The following INKA2 variants were observed in gnomAD, a reference collection of about 807,000 sequenced individuals.
INKA2 encodes the protein inka box actin regulator 2.
Under a neutral mutation model 9.8 loss-of-function variants are expected in INKA2, and 3 were observed. The ratio of observed to expected loss-of-function variants is 0.31; its 90% confidence interval spans 0.14 to 0.79. The LOEUF is 0.79. Ranked by LOEUF, INKA2 falls within the 30% of genes least tolerant of loss-of-function variation. The pLI, the probability that INKA2 is intolerant of heterozygous loss-of-function variation, is 0.62. For synonymous variants in INKA2, 147 were observed against 143.3 expected, an observed-to-expected ratio of 1.03 and a Z score of -0.18; for missense variants, 392 against 384.4, an observed-to-expected ratio of 1.02 and a Z score of -0.17.
intron 1 of INKA2, among the ~76,000 whole-genome samples, chr1:111,729,450 C>T (rs1032833665): frequency 1.3e-5 from 2 of 152,212 alleles, no homozygotes; most frequent in African/African-American, 2.4e-5. Context: ...GCCTGAGTCC[C>T]GGCTGCCAGC....
At chr1:111,741,161 T>C (rs895612585), upstream of INKA2, among the ~76,000 whole-genome samples, 1 of 151,312 alleles carries the variant, frequency 6.6e-6, no homozygotes, top group African/African-American at 2.4e-5. Flanking sequence ...GTTTGCAGAG[T>C]CCAGTTGAAT....
intron 1 of INKA2, among the ~76,000 whole-genome samples, chr1:111,732,488 T>G (rs891209788): frequency 6.6e-6 from 1 of 151,492 alleles, no homozygotes; most frequent in African/African-American, 2.4e-5. Flanking sequence ...CTGAGAGAAT[T>G]CACAAGAAGG....
rs910644394 is a variant in INKA2 at position 111,722,751 on chromosome 1, C to G, written c.*4217G>C. ...GTCTTCTCTGACCCTTGCTACAATC[C>G]TGTGAGATATTAAATCAATATAAAT... On this transcript the variant is annotated 3_prime_UTR_variant, in exon 2 of 2. Coordinates refer to ENST00000357260, the MANE Select transcript of INKA2 (RefSeq NM_019099.5). 7.0e-6 allele frequency: 2 copies of G among 287,164 alleles called. No individual in the cohort carries two copies. Among genetic ancestry groups the G allele is most frequent in the Admixed American group, 1.0e-4 (2 of 19,882 alleles). The allele number at this position is 287,164 out of a possible 1,614,324, so 17.8% of individuals were successfully genotyped here.
chr1:111,741,858 G>A (rs913972034), upstream of INKA2, among the ~76,000 whole-genome samples: 1 of 152,200 alleles, frequency 6.6e-6, no homozygotes, highest in African/African-American at 2.4e-5. Context: ...TGGGATTACA[G>A]GCGCATGCCA....
Position 111,727,706 on chromosome 1 carries a change from C to T in INKA2, c.156G>A (p.Leu52=). 6.2e-7 allele frequency: 1 copy of T among 1,613,882 alleles called. No homozygotes were observed. The highest frequency in any genetic ancestry group is 8.5e-7 in the Non-Finnish European group (1 of 1,179,866). ...CCCCTCCAGAGATCTCCAGCTGTTC[C>T]AGTGCTGTCTGCACCTGGAGGAGCT... ...ELKLLQVQTA[L]EQLEISGGGP... The change falls in exon 2 of 2, where the codon CTG becomes CTA. Residue 52 remains leucine, a synonymous_variant. Transcript: ENST00000357260.
chr1:111,741,577 G>T (rs1337800559), upstream of INKA2, among the ~76,000 whole-genome samples: 1 of 152,224 alleles, frequency 6.6e-6, no homozygotes, highest in Admixed American at 6.5e-5. Flanking sequence ...AGTCCACAGA[G>T]GGGGACTTCA....
chr1:111,739,075 T>C, intron 1 of INKA2, 111 bp downstream of exon 1: 1 of 1,043,560 alleles, frequency 9.6e-7, no homozygotes, highest in Non-Finnish European at 1.5e-6. Flanking sequence ...CTCTCTTCCC[T>C]GGCCCTCCTC....
intron 1 of INKA2, among the ~76,000 whole-genome samples, chr1:111,752,870 T>C (rs948932272): frequency 6.6e-6 from 1 of 151,916 alleles, no homozygotes; most frequent in Admixed American, 6.6e-5. Context: ...ACTTTTTGTA[T>C]TTTTTTTCTA....
At position 111,724,519 on chromosome 1, in the gene INKA2, G is replaced by A. The variant is rs891251516; in HGVS notation, c.*2449C>T. 2 of 152,100 alleles carry A rather than the reference G, an allele frequency of 1.3e-5. No individual in the cohort carries two copies. The highest frequency in any genetic ancestry group is 4.2e-4 in the South Asian group (2 of 4,816). 9.4% of individuals were successfully genotyped at this position (152,100 alleles called of 1,614,324 possible). On this transcript the variant is annotated 3_prime_UTR_variant, in exon 2 of 2. Transcript: ENST00000357260. ...GTGTCCCACGACTTCCTCCGCTCAT[G>A]ATTCAGTAGGTGGAATCTTAACATG...
chr1:111,727,470 T>C lies in INKA2; in HGVS notation c.392A>G (p.Gln131Arg). 1 of 1,614,212 alleles carries C rather than the reference T, an allele frequency of 6.2e-7. No individual in the cohort carries two copies. The highest frequency in any genetic ancestry group is 8.5e-7 in the Non-Finnish European group (1 of 1,180,042). Residue 131 changes from glutamine (Q) to arginine (R), a missense_variant, in exon 2 of 2, where the codon CAG becomes CGG. Transcript: ENST00000357260. ...ATCCGGTTCCACTCGCTCTGGCCCC[T>C]GCTGAGCACAGCTTTGATGTGGCTG... is the stretch of plus-strand genomic sequence containing the variant. ...RTQPHQSCAQ[Q>R]GPERVEPDDW...
chr1:111,733,098 T>G (rs944005878), intron 1 of INKA2, among the ~76,000 whole-genome samples: 1 of 152,160 alleles, frequency 6.6e-6, no homozygotes, highest in African/African-American at 2.4e-5. Flanking sequence ...GAGGTCCATC[T>G]TCTCCCTCAG....
intron 1 of INKA2, among the ~76,000 whole-genome samples, chr1:111,730,449 A>G (rs1259126300): frequency 6.6e-6 from 1 of 152,162 alleles, no homozygotes; most frequent in Admixed American, 6.6e-5. Context: ...GAAGCCTCCT[A>G]GACAGCTTCC....
At chr1:111,732,355 C>T (rs1209025620) in intron 1 of INKA2, among the ~76,000 whole-genome samples, 1 of 152,100 alleles carries the variant, frequency 6.6e-6, no homozygotes, top group Non-Finnish European at 1.5e-5. Context: ...AGACAAAATC[C>T]CGAGCAGACA....
Position 111,726,095 on chromosome 1 carries a change from C to T in INKA2, c.*873G>A. On this transcript the variant is annotated 3_prime_UTR_variant, in exon 2 of 2. Coordinates refer to ENST00000357260, the MANE Select transcript of INKA2 (RefSeq NM_019099.5). ...TGGTAACTCCAGGGTCCAGCTTCTA[C>T]TCTGCAGTTAGACCTAGGCTGTTCT... 2.5e-6 allele frequency: 1 copy of T among 398,688 alleles called. No homozygotes were observed. Among genetic ancestry groups the T allele is most frequent in the East Asian group, 3.6e-5 (1 of 28,072 alleles). 24.7% of individuals were successfully genotyped at this position (398,688 alleles called of 1,614,324 possible).
Sources: gnomAD v4.1 joint callset for allele counts (sites outside exome capture counted in the v4.1 genomes callset) on GRCh38, gnomAD v4.1.1 for gene constraint, MANE v1.5 for transcripts, NCBI Gene and HGNC (gene_info 2026-07-23, HGNC 2026-07-21) for gene names.